The following ARHGEF11 variants were observed in gnomAD, a reference collection of about 807,000 sequenced individuals.
ARHGEF11 encodes Rho guanine exchange factor (GEF) 11.
In ARHGEF11, 55 loss-of-function variants were observed where a neutral mutation model predicts 193.7. That is an observed-to-expected ratio of 0.28 (90% CI 0.23 to 0.36). ARHGEF11 has a LOEUF of 0.36. ARHGEF11 is among the 10% of genes least tolerant of loss of function. The probability of loss-of-function intolerance (pLI) is 1.00; values close to 1 mark genes in which losing one functional copy is unlikely to be tolerated. For synonymous variants in ARHGEF11, 693 were observed against 768.0 expected, an observed-to-expected ratio of 0.90 and a Z score of 1.62; for missense variants, 1,723 against 2,005.6, an observed-to-expected ratio of 0.86 and a Z score of 2.69.
Position 156,936,197 on chromosome 1 carries a change from G to C in ARHGEF11, c.4631-139C>G, listed in dbSNP as rs1321049002. ...CTCCAGAAACCCCAGTTTCTCGTAG[G>C]GCTTGAAAAGGGCTGTCTACTGAAC... is the stretch of plus-strand genomic sequence containing the variant. On this transcript the variant is annotated intron_variant, in intron 40 of 40. Coordinates refer to ENST00000368194, the MANE Select transcript of ARHGEF11 (RefSeq NM_198236.3). 3 of 906,888 alleles carry C rather than the reference G, an allele frequency of 3.3e-6. No individual in the cohort carries two copies. The East Asian group carries it at 7.2e-5, about 22-fold the overall frequency. 56.2% of individuals were successfully genotyped at this position (906,888 alleles called of 1,614,324 possible).
At chr1:156,998,900 C>T (rs1026395242) in intron 1 of ARHGEF11, among the ~76,000 whole-genome samples, 8 of 152,198 alleles carry the variant, frequency 5.3e-5, no homozygotes, top group African/African-American at 1.9e-4. Context: ...GATATTGGTG[C>T]TAATTCTGCC....
At chr1:156,959,693 G>A (rs569845106) in intron 15 of ARHGEF11, among the ~76,000 whole-genome samples, 183 of 152,220 alleles carry the variant, frequency 1.2e-3, no homozygotes, top group African/African-American at 4.1e-3. Flanking sequence ...TTTCCTCCCC[G>A]TCACATGTGC....
In ARHGEF11 at chr1:157,005,801, G is replaced by A. The variant is rs572811796; in HGVS notation, c.33-19628C>T. Among the ~76,000 whole-genome samples, 8 of 152,290 alleles carry A rather than the reference G, an allele frequency of 5.3e-5. No homozygotes were observed. The South Asian group carries it at 6.2e-4, about 12-fold the overall frequency. ...ACCAAAAATATGAACTTTCCCTGGA[G>A]TTCATTCTAAAGAGACCTGATTTCT... On this transcript the variant is annotated intron_variant, in intron 1 of 40. Transcript: ENST00000368194.
chr1:156,958,602 A>T, intron 17 of ARHGEF11, 140 bp downstream of exon 17: 1 of 1,195,934 alleles, frequency 8.4e-7, no homozygotes, highest in South Asian at 1.5e-5. Context: ...ATGCAGCAGG[A>T]GTGCAGGACT....
At chr1:157,011,456 C>A (rs1763912) in intron 1 of ARHGEF11, among the ~76,000 whole-genome samples, 150,118 of 152,262 alleles carry the variant, frequency 0.99, 74,043 homozygotes, top group Middle Eastern at 1. Context: ...CAAAAGCATA[C>A]GCAAAAAAAG....
Position 156,941,436 on chromosome 1 carries a change from G to A in ARHGEF11, c.3453-3C>T, listed in dbSNP as rs1272960966. On this transcript the variant is annotated splice_region_variant and splice_polypyrimidine_tract_variant and intron_variant, in intron 34 of 40. Transcript: ENST00000368194. ...CGTCTGAGTCATCCAGTTCTACCCT[G>A]AGGAAGGAAACCAACACAGGATGAG... is the stretch of plus-strand genomic sequence containing the variant. 4 of 1,613,616 alleles carry A rather than the reference G, an allele frequency of 2.5e-6. No individual in the cohort carries two copies. The highest frequency in any genetic ancestry group is 1.1e-5 in the South Asian group (1 of 91,024).
intron 1 of ARHGEF11, among the ~76,000 whole-genome samples, chr1:156,996,857 C>CTTTT (rs1430207872): frequency 9.3e-6 from 1 of 107,766 alleles, no homozygotes; most frequent in Non-Finnish European, 1.8e-5. Context: ...ACCTCTCTCT[C>CTTTT]TATTTTTTTT....
rs1355272622 is a variant in ARHGEF11, at chr1:156,937,256, CTGTTGAGCTTGAGAG to C, written c.4418_4432del (p.Thr1473_Asn1477del). 6.2e-7 allele frequency: 1 copy of C among 1,613,752 alleles called. No individual in the cohort carries two copies. Among genetic ancestry groups the C allele is most frequent in the Non-Finnish European group, 8.5e-7 (1 of 1,179,934 alleles). On this transcript the variant is annotated inframe_deletion, in exon 39 of 41. Transcript: ENST00000368194. ...AAGCCCTGCTTCCCTCACCTTGAGC[CTGTTGAGCTTGAGAG>C]TGAGCTGCTCAATGGTATGGAAGAT...
chr1:156,970,314 T>C (rs573022503), intron 8 of ARHGEF11, among the ~76,000 whole-genome samples: 7 of 152,278 alleles, frequency 4.6e-5, no homozygotes, highest in East Asian at 3.9e-4. Flanking sequence ...TATTGCCTTA[T>C]TTGGATACAA....
Position 156,948,402 on chromosome 1 carries a change from G to T in ARHGEF11, c.2022C>A (p.Arg674=). The T allele has an allele frequency of 6.2e-7, 1 of 1,614,244 alleles. No individual in the cohort carries two copies. Among genetic ancestry groups the T allele is most frequent in the South Asian group, 1.1e-5 (1 of 91,088 alleles). ...SRKAENVPRS[R]SDVDMDAAAE... ...CAGCAGCATCCATGTCAACATCACTGCGAGAGCGGGGCACGTTCTCTGCCT... is the reference window on the plus strand; with the variant it reads ...CAGCAGCATCCATGTCAACATCACTTCGAGAGCGGGGCACGTTCTCTGCCT... The change falls in exon 23 of 41, where the codon CGC becomes CGA. Residue 674 remains arginine, a synonymous_variant. Transcript: ENST00000368194. This position sits in a 1 kb window ranked among gnomAD's most constrained non-coding sequence, Gnocchi z 4.2.
Position 156,951,609 on chromosome 1 carries a change from G to T in ARHGEF11, c.1889C>A (p.Thr630Asn), listed in dbSNP as rs1170197870. The T allele has an allele frequency of 6.2e-7, 1 of 1,614,076 alleles. No homozygotes were observed. Among genetic ancestry groups the T allele is most frequent in the Non-Finnish European group, 8.5e-7 (1 of 1,180,046 alleles). The stretch of plus-strand genomic sequence containing the variant: ...CAGCAGGTCCTCAGGAAAGCTTCCG[G>T]TCGAGAGTCGTTGTGTCCCAGGTTC... ...APEPGTQRLS[T>N]GSFPEDLLES... The change falls in exon 22 of 41, where the codon ACC becomes AAC. Residue 630 changes from threonine (T) to asparagine (N), a missense_variant. By Grantham distance (65) the Thr-to-Asn change is moderately conservative. Around this residue, in one of 5 missense-constraint regions of ARHGEF11, gnomAD observed 491 missense variants for 654.5 expected, o/e 0.75. Coordinates refer to ENST00000368194, the MANE Select transcript of ARHGEF11 (RefSeq NM_198236.3).
chr1:157,030,901 C>T (rs936378267), intron 1 of ARHGEF11, among the ~76,000 whole-genome samples: 4 of 152,044 alleles, frequency 2.6e-5, no homozygotes, highest in African/African-American at 9.7e-5. Context: ...TTATCTGGGT[C>T]CTCAAGCTTC....
chr1:156,956,117 C>T (rs901218611), intron 19 of ARHGEF11, among the ~76,000 whole-genome samples: 1 of 152,042 alleles, frequency 6.6e-6, no homozygotes, highest in Admixed American at 6.5e-5. Context: ...GCTCTGTTAC[C>T]TTCTTTTTAT....
chr1:156,961,320 C>A (rs1660805241), intron 14 of ARHGEF11, among the ~76,000 whole-genome samples: 1 of 152,170 alleles, frequency 6.6e-6, no homozygotes, highest in South Asian at 2.1e-4. Context: ...CCTCACGGAT[C>A]TAGGTCATCT....
intron 7 of ARHGEF11, among the ~76,000 whole-genome samples, chr1:156,974,286 T>C (rs935906355): frequency 1.3e-5 from 2 of 152,106 alleles, no homozygotes; most frequent in East Asian, 1.9e-4. Context: ...CAGGCTGGTG[T>C]TGAACTCGTA....
chr1:157,000,933 C>T (rs1667136312), intron 1 of ARHGEF11, among the ~76,000 whole-genome samples: 1 of 152,158 alleles, frequency 6.6e-6, no homozygotes, highest in Non-Finnish European at 1.5e-5. Context: ...CTTCAGGAAG[C>T]CCTGCCAGAA....
At chr1:156,990,394 A>G (rs572757915) in intron 1 of ARHGEF11, among the ~76,000 whole-genome samples, 1 of 152,292 alleles carries the variant, frequency 6.6e-6, no homozygotes, top group South Asian at 2.1e-4. Context: ...AATGGTAAAA[A>G]TCTATTTTCT....
At position 157,013,231 on chromosome 1, in the gene ARHGEF11, GT is replaced by G. The variant is rs369838628; in HGVS notation, c.33-27059del. 8.7e-3 allele frequency among the ~76,000 whole-genome samples: 877 copies of G among 100,606 alleles called. 9 individuals carry two copies. The highest frequency in any genetic ancestry group is 0.033 in the Admixed American group (310 of 9,408). 66.0% of individuals were successfully genotyped at this position (100,606 alleles called of 152,430 possible). ...TCCCTTCCATCATGTACTTGGGTCT[GT>G]CCCCAACTGCTCATAACTCCCCACT... On this transcript the variant is annotated intron_variant, in intron 1 of 40. Coordinates refer to ENST00000368194, the MANE Select transcript of ARHGEF11 (RefSeq NM_198236.3).
chr1:156,945,075 G>A lies in ARHGEF11; in HGVS notation c.2935C>T (p.Arg979Cys), dbSNP rs1657868245. The A allele has an allele frequency of 1.9e-6, 3 of 1,614,188 alleles. No individual in the cohort carries two copies. The highest frequency in any genetic ancestry group is 2.5e-6 in the Non-Finnish European group (3 of 1,180,030). The change falls in exon 30 of 41, where the codon CGC becomes TGC. Residue 979 changes from arginine (R) to cysteine (C), a missense_variant. This residue lies in a region of ARHGEF11 where 491 missense variants were observed against 654.5 expected (regional missense o/e 0.75). Coordinates refer to ENST00000368194, the MANE Select transcript of ARHGEF11 (RefSeq NM_198236.3). ...NRHRLEGYQKRLDATALERAS... is the reference protein window; with the variant it reads ...NRHRLEGYQKCLDATALERAS... Reference sequence around the variant, plus strand: ...CTCTCCAGGGCGGTGGCATCCAGGCGTTTCTGGTAGCCCTCTAAACGGTGG... The same window carrying A: ...CTCTCCAGGGCGGTGGCATCCAGGCATTTCTGGTAGCCCTCTAAACGGTGG...
Sources: allele counts gnomAD v4.1 joint callset (sites outside exome capture counted in the v4.1 genomes callset), GRCh38; gene constraint gnomAD v4.1.1; regional missense constraint gnomAD v4.1.1; non-coding constraint Gnocchi (gnomAD v3.1); transcripts MANE v1.5; gene names NCBI Gene and HGNC (gene_info 2026-07-23, HGNC 2026-07-21).